The following RAB30 variants were observed in gnomAD, a reference collection of about 807,000 sequenced individuals.
The protein encoded by RAB30 is ras-related protein Rab-30.
In RAB30, 9 loss-of-function variants were observed where a neutral mutation model predicts 25.1. The ratio of observed to expected loss-of-function variants is 0.36; its 90% CI spans 0.22 to 0.63. The LOEUF is 0.63. Ranked by LOEUF, RAB30 falls within the 20% of genes least tolerant of loss-of-function variation. The probability of loss-of-function intolerance (pLI) is 0.69; values close to 1 mark genes in which losing one functional copy is unlikely to be tolerated. For synonymous variants in RAB30, 77 were observed against 86.4 expected (o/e 0.89, Z 0.60); for missense variants, 140 against 243.5 (o/e 0.58, Z 2.83).
At chr11:83,019,338 T>G (rs1857512165) in intron 1 of RAB30, among the ~76,000 whole-genome samples, 1 of 152,186 alleles carries the variant, frequency 6.6e-6, no homozygotes, top group South Asian at 2.1e-4. Flanking sequence ...AAGGTTTTTT[T>G]TAAAAAATAA....
intron 1 of RAB30, among the ~76,000 whole-genome samples, chr11:83,009,702 C>T (rs1489062533): frequency 6.6e-6 from 1 of 152,210 alleles, no homozygotes; most frequent in Non-Finnish European, 1.5e-5. Context: ...TAAATGGCCA[C>T]TGGTGTTAAC....
Position 82,987,609 on chromosome 11 carries a change from GT to G in RAB30, c.338del (p.Asn113ThrfsTer7). On this transcript the variant is annotated frameshift_variant, in exon 4 of 5. Transcript: ENST00000527633. LOFTEE classifies it high-confidence loss of function. Reference protein sequence around the residue: ...WLREIEQYASNKVITVLVGNK... With the variant: ...WLREIEQYASXKVITVLVGNK... ...TACCCACTAACACAGTGATGACCTT[GT>G]TGCTGGCATATTGTTCTATCTCCCG... is the stretch of plus-strand genomic sequence containing the variant. 6.2e-7 allele frequency: 1 copy of G among 1,612,758 alleles called. No homozygotes were observed. The highest frequency in any genetic ancestry group is 8.5e-7 in the Non-Finnish European group (1 of 1,179,250).
intron 1 of RAB30, among the ~76,000 whole-genome samples, chr11:83,064,413 T>G (rs2121521528): frequency 6.6e-6 from 1 of 152,314 alleles, no homozygotes; most frequent in East Asian, 1.9e-4. Context: ...CAGCCAATCT[T>G]ATGTCAATTC....
rs1858601195 is a variant in RAB30, at chr11:83,062,283, C to G, written c.-9+9408G>C. ...AAAAAATTGAGCTAAATTCTACTGC[C>G]TAGAATTGAGATAATAAGACAGCAT... On this transcript the variant is annotated intron_variant, in intron 1 of 4. Transcript: ENST00000527633. Among the ~76,000 whole-genome samples, 2 of 152,152 alleles carry G rather than the reference C, an allele frequency of 1.3e-5. 1 individual carries two copies. Among genetic ancestry groups the G allele is most frequent in the South Asian group, 4.1e-4 (2 of 4,820 alleles).
chr11:82,997,169 G>A lies in RAB30; in HGVS notation c.93+55C>T, dbSNP rs371395216. ...TCGACAGATTCCCCCAACCCCTCAG[G>A]CTAGACTGACAAACCCAACCCTGGG... On this transcript the variant is annotated intron_variant, in intron 2 of 4. Transcript: ENST00000527633. The A allele has an allele frequency of 8.2e-5, 120 of 1,455,142 alleles. No individual in the cohort carries two copies. The African/African-American group carries it at 1.6e-3, about 19-fold the overall frequency. The allele number at this position is 1,455,142 out of a possible 1,614,324, so 90.1% of individuals were successfully genotyped here.
intron 1 of RAB30, among the ~76,000 whole-genome samples, chr11:83,070,092 T>C (rs981875092): frequency 1.7e-5 from 2 of 118,368 alleles, no homozygotes; most frequent in Non-Finnish European, 3.2e-5. Flanking sequence ...AATGGAGAGA[T>C]AGAGAAATAA....
intron 1 of RAB30, among the ~76,000 whole-genome samples, chr11:83,048,806 G>A (rs1214304351): frequency 2.6e-5 from 4 of 152,162 alleles, no homozygotes; most frequent in Admixed American, 1.3e-4. Context: ...GTGGCTGCTC[G>A]CTGATGCCAG....
chr11:83,038,396 G>T (rs533499103), intron 1 of RAB30, among the ~76,000 whole-genome samples: 1 of 152,162 alleles, frequency 6.6e-6, no homozygotes, highest in Non-Finnish European at 1.5e-5. Flanking sequence ...ATTGATTAGC[G>T]CTGTGTCCTC....
chr11:83,012,731 C>G (rs1441242154), intron 1 of RAB30, among the ~76,000 whole-genome samples: 1 of 152,168 alleles, frequency 6.6e-6, no homozygotes, highest in Non-Finnish European at 1.5e-5. Flanking sequence ...GGTGCTGCTA[C>G]TGTTATTGTT....
Position 82,982,177 on chromosome 11 carries a change from A to G in RAB30, c.600T>C (p.Cys200=), listed in dbSNP as rs1856651265. ...EGKSISYLTC[C]NFN ...CGTGCCTCAGCCTTTAGTTGAAATT[A>G]CAACAAGTCAAATAGCTGATGCTTT... Residue 200 remains cysteine, a synonymous_variant, in exon 5 of 5, where the codon TGT becomes TGC. Transcript: ENST00000527633. The G allele has an allele frequency of 6.2e-7, 1 of 1,614,082 alleles. No individual in the cohort carries two copies. Among genetic ancestry groups the G allele is most frequent in the Non-Finnish European group, 8.5e-7 (1 of 1,180,036 alleles).
rs1209957598 is a variant in RAB30 at position 83,017,219 on chromosome 11, G to A, written c.-8-19895C>T. Among the ~76,000 whole-genome samples, 3 of 152,178 alleles carry A rather than the reference G, an allele frequency of 2.0e-5. No individual in the cohort carries two copies. The East Asian group carries it at 5.8e-4, about 29-fold the overall frequency. On this transcript the variant is annotated intron_variant, in intron 1 of 4. Transcript: ENST00000527633. ...CTGGGCATGTTGGCGTGCTCCTGTAGTCCCAGCTACTAGAGGGTGAAGTGG... is the reference window on the plus strand; with the variant it reads ...CTGGGCATGTTGGCGTGCTCCTGTAATCCCAGCTACTAGAGGGTGAAGTGG...
In RAB30 at chr11:83,063,067, A is replaced by G. The variant is rs192823731; in HGVS notation, c.-9+8624T>C. ...ACAGCTCAAATTTTTTGTTTGCTTC[A>G]CCCAGCCACAGTGGCTAAAGAGTGA... On this transcript the variant is annotated intron_variant, in intron 1 of 4. Transcript: ENST00000527633. Among the ~76,000 whole-genome samples the G allele has an allele frequency of 8.9e-3, 1,350 of 151,510 alleles. 13 individuals are homozygous for G. Among genetic ancestry groups the G allele is most frequent in the Admixed American group, 0.033 (505 of 15,196 alleles).
intron 1 of RAB30, among the ~76,000 whole-genome samples, chr11:83,057,478 T>C (rs919954230): frequency 6.6e-6 from 1 of 152,196 alleles, no homozygotes; most frequent in Non-Finnish European, 1.5e-5. Context: ...AGGAAAAGCT[T>C]ATTCAAGTTT....
In RAB30 at chr11:82,981,872, CGCTTTTACTT is replaced by C; in HGVS notation, c.*283_*292del. Reference sequence around the variant, plus strand: ...TCCCCCCGGACTCTGTTTAGGAATGCGCTTTTACTTGCTTTTTAAAAAAACAAAAGCAACA... The same window carrying C: ...TCCCCCCGGACTCTGTTTAGGAATGCGCTTTTTAAAAAAACAAAAGCAACA... On this transcript the variant is annotated 3_prime_UTR_variant, in exon 5 of 5. Transcript: ENST00000527633. The C allele has an allele frequency of 2.7e-6, 1 of 367,774 alleles. No individual in the cohort carries two copies. The highest frequency in any genetic ancestry group is 5.1e-6 in the Non-Finnish European group (1 of 196,322). The allele number at this position is 367,774 out of a possible 1,614,324, so 22.8% of individuals were successfully genotyped here.
At chr11:83,067,357 GA>G (rs1323955607) in intron 1 of RAB30, among the ~76,000 whole-genome samples, 1 of 150,768 alleles carries the variant, frequency 6.6e-6, no homozygotes, top group Non-Finnish European at 1.5e-5. Context: ...CTAAAGCTCA[GA>G]AAAAAAAATG....
intron 1 of RAB30, among the ~76,000 whole-genome samples, chr11:83,059,595 T>C (rs546581692): frequency 4.6e-5 from 7 of 152,366 alleles, no homozygotes; most frequent in South Asian, 2.1e-4. Flanking sequence ...AGGAACCAAG[T>C]AGCAGGACCA....
At chr11:83,043,109 C>A (rs951148177) in intron 1 of RAB30, among the ~76,000 whole-genome samples, 2 of 152,208 alleles carry the variant, frequency 1.3e-5, no homozygotes, top group African/African-American at 4.8e-5. Context: ...TCAAGAGGAG[C>A]ATGTGACTTG....
intron 1 of RAB30, among the ~76,000 whole-genome samples, chr11:83,002,624 C>T (rs950388202): frequency 6.6e-6 from 1 of 152,090 alleles, no homozygotes; most frequent in Non-Finnish European, 1.5e-5. Flanking sequence ...AATTTGGCAA[C>T]ATTTAAACCA....
intron 1 of RAB30, among the ~76,000 whole-genome samples, chr11:83,032,326 G>A (rs958620037): frequency 2.0e-5 from 3 of 152,150 alleles, no homozygotes; most frequent in Non-Finnish European, 4.4e-5. Context: ...TACAAACACA[G>A]GTGGTTAAAC....
Sources: gnomAD v4.1 joint callset for allele counts (sites outside exome capture counted in the v4.1 genomes callset) on GRCh38, gnomAD v4.1.1 for gene constraint, MANE v1.5 for transcripts, NCBI Gene and HGNC (gene_info 2026-07-23, HGNC 2026-07-21) for gene names.